Variants in PPP1R12B observed in about 807,000 individuals in gnomAD.
The protein encoded by PPP1R12B is protein phosphatase 1 regulatory subunit 12B, also known as myosin phosphatase target subunit 2.
In PPP1R12B, 76 loss-of-function variants were observed where a neutral mutation model predicts 126.1. The observed-to-expected ratio is 0.60, with a 90% CI of 0.50 to 0.73. The LOEUF (loss-of-function observed/expected upper bound fraction) is 0.73, where lower values mean the gene tolerates loss of function less well. Ranked by LOEUF, PPP1R12B falls within the 30% of genes least tolerant of loss-of-function variation. The probability of loss-of-function intolerance (pLI) is 0.00; values close to 1 mark genes in which losing one functional copy is unlikely to be tolerated. For missense variants in PPP1R12B, 1,052 were observed against 1,205.1 expected, an observed-to-expected ratio of 0.87 and a Z score of 1.88; for synonymous variants, 356 against 434.7, an observed-to-expected ratio of 0.82 and a Z score of 2.25.
chr1:202,537,452 G>C (rs1386973222), intron 18 of PPP1R12B, among the ~76,000 whole-genome samples: 1 of 152,214 alleles, frequency 6.6e-6, no homozygotes, highest in Non-Finnish European at 1.5e-5. Flanking sequence ...TTTGTTGACA[G>C]AAACATCGGT....
rs1197628108 is a variant in PPP1R12B at position 202,585,077 on chromosome 1, A to G, written c.*4517A>G. ...AGTGGTGTGATCTCAGCTCACTGCA[A>G]CCTCCACCTCCCAGGCTCAAGGGAT... On this transcript the variant is annotated 3_prime_UTR_variant, in exon 24 of 24. Coordinates refer to ENST00000608999, the MANE Select transcript of PPP1R12B (RefSeq NM_002481.4). The G allele has an allele frequency of 6.6e-6, 1 of 152,198 alleles. No homozygotes were observed. 9.4% of individuals were successfully genotyped at this position (152,198 alleles called of 1,614,324 possible).
intron 13 of PPP1R12B, among the ~76,000 whole-genome samples, chr1:202,481,423 G>A (rs922993315): frequency 5.9e-5 from 9 of 152,130 alleles, no homozygotes; most frequent in African/African-American, 1.9e-4. Context: ...TATATTGACT[G>A]CATAAACAGA....
At chr1:202,452,009 G>C (rs1221851390) in intron 13 of PPP1R12B, among the ~76,000 whole-genome samples, 2 of 151,102 alleles carry the variant, frequency 1.3e-5, no homozygotes, top group East Asian at 2.0e-4. Context: ...GGGCAGAGAC[G>C]CTCCTCACCT....
In PPP1R12B at chr1:202,349,014, C is replaced by G. The variant is rs1431944142; in HGVS notation, c.163C>G (p.Arg55Gly). 1.2e-6 allele frequency: 2 copies of G among 1,610,200 alleles called. No individual in the cohort carries two copies. The highest frequency in any genetic ancestry group is 1.7e-6 in the Non-Finnish European group (2 of 1,178,624). Residue 55 changes from arginine (R) to glycine (G), a missense_variant, in exon 1 of 24, where the codon CGC becomes GGC. Coordinates refer to ENST00000608999, the MANE Select transcript of PPP1R12B (RefSeq NM_002481.4). ...GACCAGGCGCGGGAGCCCCAGGGTC[C>G]GCTTCGAGGACGGTGCTGTCTTTCT... ...PLTRRGSPRV[R>G]FEDGAVFLAA...
intron 23 of PPP1R12B, chr1:202,575,159 C>G: frequency 6.2e-7 from 1 of 1,605,784 alleles, no homozygotes; most frequent in Non-Finnish European, 8.5e-7. Context: ...CTCTCCAACT[C>G]ACTTCCCTCC....
chr1:202,357,236 C>T (rs561535670), intron 1 of PPP1R12B, among the ~76,000 whole-genome samples: 2 of 152,084 alleles, frequency 1.3e-5, no homozygotes, highest in Non-Finnish European at 2.9e-5. Flanking sequence ...CAATAGGAAA[C>T]TAATACAGAG....
rs1457963169 is a variant in PPP1R12B at position 202,586,354 on chromosome 1, G to A, written c.*5794G>A. The A allele has an allele frequency of 1.3e-5, 2 of 152,322 alleles. No homozygotes were observed. The highest frequency in any genetic ancestry group is 4.8e-5 in the African/African-American group (2 of 41,466). The allele number at this position is 152,322 out of a possible 1,614,324, so 9.4% of individuals were successfully genotyped here. ...CCAGGGGCTTTGGACATAGAGCAGG[G>A]TGGAAGCTGCAAGTACTGGGAAGGA... On this transcript the variant is annotated 3_prime_UTR_variant, in exon 24 of 24. Transcript: ENST00000608999.
intron 18 of PPP1R12B, among the ~76,000 whole-genome samples, chr1:202,516,385 G>A (rs1682148388): frequency 6.6e-6 from 1 of 152,134 alleles, no homozygotes; most frequent in South Asian, 2.1e-4. Context: ...GCTACCAATA[G>A]TCCTCTGTAA....
chr1:202,427,666 A>G (rs998159912), intron 5 of PPP1R12B, among the ~76,000 whole-genome samples: 3 of 152,038 alleles, frequency 2.0e-5, no homozygotes, highest in Admixed American at 6.6e-5. Context: ...TATTTTTGAG[A>G]CAGAGTCTCG....
chr1:202,589,695 C>G lies in PPP1R12B; in HGVS notation c.*9135C>G, dbSNP rs1690032177. 1 of 152,262 alleles carries G rather than the reference C, an allele frequency of 6.6e-6. No homozygotes were observed. Among genetic ancestry groups the G allele is most frequent in the South Asian group, 2.1e-4 (1 of 4,834 alleles). The allele number at this position is 152,262 out of a possible 1,614,324, so 9.4% of individuals were successfully genotyped here. A position where few individuals can be genotyped will look rare whatever the true frequency, so the allele number is the denominator to read the frequency against. On this transcript the variant is annotated 3_prime_UTR_variant, in exon 24 of 24. Transcript: ENST00000608999. ...AGCTCATATTCTTAGCCAGGAGACC[C>G]TCAGGTGATAAATCCCAGTCCGTCT...
intron 8 of PPP1R12B, among the ~76,000 whole-genome samples, chr1:202,432,828 T>C (rs1244491663): frequency 6.6e-6 from 1 of 152,218 alleles, no homozygotes; most frequent in Non-Finnish European, 1.5e-5. Context: ...AGTCTGTGTT[T>C]TCCTCTGAAC....
chr1:202,411,209 TGTCTCTCATCCATGCTTTA>T (rs1041668076), intron 1 of PPP1R12B, among the ~76,000 whole-genome samples: 30 of 151,856 alleles, frequency 2.0e-4, no homozygotes, highest in African/African-American at 6.3e-4. Context: ...AGGGACTATA[TGTCTCTCATCCATGCTTTA>T]GTCTCTCATC....
chr1:202,525,039 C>T (rs1183918180), intron 18 of PPP1R12B, among the ~76,000 whole-genome samples: 2 of 151,932 alleles, frequency 1.3e-5, no homozygotes, highest in Non-Finnish European at 2.9e-5. Flanking sequence ...CCACCACACC[C>T]GGCTAATTTT....
intron 18 of PPP1R12B, among the ~76,000 whole-genome samples, chr1:202,552,479 TAACTC>T (rs1026488414): frequency 2.0e-5 from 3 of 152,232 alleles, no homozygotes; most frequent in African/African-American, 4.8e-5. Flanking sequence ...ATTTTGCAAT[TAACTC>T]AGACCATGAT....
At chr1:202,515,317 A>G (rs1682003594) in intron 18 of PPP1R12B, among the ~76,000 whole-genome samples, 1 of 152,186 alleles carries the variant, frequency 6.6e-6, no homozygotes, top group African/African-American at 2.4e-5. Context: ...TTTTTTTAAA[A>G]AAGAGTAGTA....
chr1:202,552,734 T>C (rs1572483074), intron 18 of PPP1R12B, among the ~76,000 whole-genome samples: 1 of 152,200 alleles, frequency 6.6e-6, no homozygotes, highest in Non-Finnish European at 1.5e-5. Context: ...AGAAGTTTTT[T>C]CCCATCACTG....
intron 1 of PPP1R12B, among the ~76,000 whole-genome samples, chr1:202,384,092 T>C (rs1041365766): frequency 5.9e-5 from 9 of 152,212 alleles, no homozygotes; most frequent in Non-Finnish European, 1.2e-4. Flanking sequence ...CCTCATACAT[T>C]GCTGATGGGA....
intron 5 of PPP1R12B, 65 bp downstream of exon 5, chr1:202,427,249 T>C (rs923128889): frequency 1.3e-6 from 2 of 1,591,236 alleles, no homozygotes; most frequent in Non-Finnish European, 1.7e-6. Context: ...AATAAAAGGC[T>C]TAACATCTCT....
intron 9 of PPP1R12B, among the ~76,000 whole-genome samples, chr1:202,436,257 C>A (rs1293422035): frequency 6.6e-6 from 1 of 151,428 alleles, no homozygotes; most frequent in Non-Finnish European, 1.5e-5. Context: ...CAGAGTGAGA[C>A]CGTGTCTCAA....
Sources: allele counts gnomAD v4.1 joint callset (sites outside exome capture counted in the v4.1 genomes callset), GRCh38; gene constraint gnomAD v4.1.1; transcripts MANE v1.5; gene names NCBI Gene and HGNC (gene_info 2026-07-23, HGNC 2026-07-21).